Variants in LINC00632 observed in about 807,000 individuals in gnomAD.
LINC00632 encodes the protein long independently transcribed non-coding RNA 632.
At chrX:140,769,610 A>C (rs770819451) in intron 3 of LINC00632, among the ~76,000 whole-genome samples, 1 of 111,346 alleles carries the variant, frequency 9.0e-6, no homozygotes, top group East Asian at 2.8e-4. Context: ...GTTAATATCA[A>C]GACAGCTAAA....
chrX:140,723,613 AACACACACACATTCCAT>A (rs1216402226), intron 2 of LINC00632, among the ~76,000 whole-genome samples: 2,336 of 24,707 alleles, frequency 0.095, 52 homozygotes, highest in African/African-American at 0.31. Flanking sequence ...ACATTCCATA[AACACACACACATTCCAT>A]ACACACACAC....
chrX:140,776,120 G>A (rs973746601), exon 5 of LINC00632, among the ~76,000 whole-genome samples: 5 of 111,527 alleles, frequency 4.5e-5, no homozygotes, highest in African/African-American at 1.6e-4. Flanking sequence ...CAAATGATAT[G>A]AACAGACACT....
chrX:140,713,640 A>T (rs1042209592), intron 2 of LINC00632: 2 of 342,906 alleles, frequency 5.8e-6, no homozygotes, highest in Non-Finnish European at 5.9e-6. Context: ...CTCTTCTCAC[A>T]GTACACACAC....
At chrX:140,768,543 A>ATATATATACTATATTATATATTTAT (rs1281509105) in intron 3 of LINC00632, among the ~76,000 whole-genome samples, 4 of 100,776 alleles carry the variant, frequency 4.0e-5, no homozygotes, top group African/African-American at 1.4e-4. Context: ...AACACATATA[A>ATATATATACTATATTATATATTTAT]TATATATACT....
chrX:140,769,460 C>T (rs142312660), intron 3 of LINC00632, among the ~76,000 whole-genome samples: 2,116 of 110,097 alleles, frequency 0.019, 28 homozygotes, highest in Non-Finnish European at 0.028. Context: ...TAATAAAATT[C>T]GGTTTTTTCT....
chrX:140,758,053 G>C (rs1931524505), intron 3 of LINC00632, among the ~76,000 whole-genome samples: 1 of 111,210 alleles, frequency 9.0e-6, no homozygotes, highest in African/African-American at 3.3e-5. Context: ...TTATTTTTAT[G>C]TATTCATGAT....
At chrX:140,711,826 C>T (rs1930521877) in intron 2 of LINC00632, 1 of 150,366 alleles carries the variant, frequency 6.7e-6, no homozygotes, top group Middle Eastern at 1.7e-3. Context: ...CATATCTGAC[C>T]ATTTTAAGTG....
rs186151426 is a variant in LINC00632 at position 140,785,902 on chromosome X, G to A, written n.13921G>A. ...TGTTTCTAACCTCCAGCATCTACCT[G>A]CTTCAAATATCGCAACCTCCTGGGT... On this transcript the variant is annotated non_coding_transcript_exon_variant, in exon 5 of 5. Transcript: ENST00000648200. 9.9e-5 allele frequency among the ~76,000 whole-genome samples: 11 copies of A among 111,553 alleles called. No individual in the cohort carries two copies. The Admixed American group carries it at 1.1e-3, about 11-fold the overall frequency.
chrX:140,760,793 C>T (rs1463384663), intron 3 of LINC00632, among the ~76,000 whole-genome samples: 1 of 111,225 alleles, frequency 9.0e-6, no homozygotes, highest in Non-Finnish European at 1.9e-5. Context: ...GCAGCCAAGG[C>T]AAGTTGGGCA....
intron 3 of LINC00632, chrX:140,772,013 G>A (rs1298978426): frequency 3.8e-6 from 1 of 264,058 alleles, no homozygotes; most frequent in African/African-American, 2.8e-5. Flanking sequence ...AAATTTATAA[G>A]CTACTCATTT....
rs376796176 is a variant in LINC00632 at position 140,747,529 on chromosome X, C to CAAA, written n.191+13581_191+13583dup. ...TGGGCGGGAAGAGCCAAACTCCATC[C>CAAA]AAAAAAAAAAAAAAAAAAGGAATTA... On this transcript the variant is annotated intron_variant and non_coding_transcript_variant, in intron 3 of 4. Coordinates refer to ENST00000648200, the Ensembl canonical transcript of LINC00632. 3.0e-3 allele frequency among the ~76,000 whole-genome samples: 187 copies of CAAA among 63,085 alleles called. 1 individual carries two copies. Among genetic ancestry groups the CAAA allele is most frequent in the East Asian group, 6.5e-3 (12 of 1,854 alleles). The allele number at this position is 63,085 out of a possible 115,157, so 54.8% of individuals were successfully genotyped here. A position where few individuals can be genotyped will look rare whatever the true frequency, so the allele number is the denominator to read the frequency against.
chrX:140,750,766 C>T (rs1387899854), intron 3 of LINC00632, among the ~76,000 whole-genome samples: 1 of 110,280 alleles, frequency 9.1e-6, no homozygotes, highest in Admixed American at 9.7e-5. Flanking sequence ...TTTTATTGCT[C>T]ACTCTCCACA....
At chrX:140,718,387 C>A in intron 2 of LINC00632, among the ~76,000 whole-genome samples, 1 of 108,230 alleles carries the variant, frequency 9.2e-6, no homozygotes, top group Middle Eastern at 4.8e-3. Context: ...CCTATAACAC[C>A]CATCCCATAT....
chrX:140,770,909 A>G (rs749605285), intron 3 of LINC00632, among the ~76,000 whole-genome samples: 1 of 111,867 alleles, frequency 8.9e-6, no homozygotes, highest in East Asian at 2.8e-4. Flanking sequence ...ATTTGAAAAC[A>G]TTTTCCTCTC....
At chrX:140,752,422 G>A (rs140128830) in intron 3 of LINC00632, among the ~76,000 whole-genome samples, 1 of 111,692 alleles carries the variant, frequency 9.0e-6, no homozygotes, top group Non-Finnish European at 1.9e-5. Flanking sequence ...TCTTCACAAT[G>A]TGGTACATGA....
intron 3 of LINC00632, among the ~76,000 whole-genome samples, chrX:140,744,487 G>A (rs180963112): frequency 9.6e-6 from 1 of 104,054 alleles, no homozygotes; most frequent in East Asian, 3.1e-4. Flanking sequence ...TTGTGAGCTA[G>A]ATGGATGATT....
chrX:140,741,435 G>T (rs781341600), intron 3 of LINC00632, among the ~76,000 whole-genome samples: 1 of 111,941 alleles, frequency 8.9e-6, no homozygotes, highest in Non-Finnish European at 1.9e-5. Context: ...GAGGCACCTG[G>T]ATGCAAATTG....
intron 2 of LINC00632, chrX:140,714,107 A>G: frequency 5.1e-6 from 1 of 197,460 alleles, no homozygotes. Flanking sequence ...CACAGACCAT[A>G]GACTCGTCCT....
intron 3 of LINC00632, among the ~76,000 whole-genome samples, chrX:140,753,656 T>C: frequency 9.0e-6 from 1 of 110,815 alleles, no homozygotes; most frequent in Non-Finnish European, 1.9e-5. Context: ...TTATATGAAA[T>C]ACGTTATAAA....
Sources: allele counts gnomAD v4.1 joint callset (sites outside exome capture counted in the v4.1 genomes callset), GRCh38; gene constraint gnomAD v4.1.1; transcripts MANE v1.5; gene names NCBI Gene and HGNC (gene_info 2026-07-23, HGNC 2026-07-21).